The following MAST4 variants were observed in gnomAD, a reference collection of about 807,000 sequenced individuals.
The protein encoded by MAST4 is microtubule associated serine/threonine kinase family member 4, also known as microtubule-associated serine/threonine-protein kinase 4.
In MAST4, 89 loss-of-function variants were observed where a neutral mutation model predicts 162.7. The ratio of observed to expected loss-of-function variants is 0.55; its 90% confidence interval spans 0.46 to 0.65. MAST4 has a LOEUF of 0.65. MAST4 is among the 30% of genes least tolerant of loss of function. The pLI, the probability that MAST4 is intolerant of heterozygous loss-of-function variation, is 0.00. For missense variants in MAST4, 3,153 were observed against 3,374.0 expected, an observed-to-expected ratio of 0.93 and a Z score of 1.62; for synonymous variants, 1,479 against 1,361.1, an observed-to-expected ratio of 1.09 and a Z score of -1.91.
At chr5:66,832,347 C>T (rs575840086) in intron 3 of MAST4, among the ~76,000 whole-genome samples, 92 of 152,250 alleles carry the variant, frequency 6.0e-4, no homozygotes, top group Middle Eastern at 6.8e-3. Context: ...ATTGTTTAGA[C>T]TTCTAGATCT....
intron 1 of MAST4, among the ~76,000 whole-genome samples, chr5:66,646,709 G>T (rs890367919): frequency 6.6e-6 from 1 of 152,112 alleles, no homozygotes; most frequent in African/African-American, 2.4e-5. Context: ...CTCAGCTTCA[G>T]TGGATGATGT....
intron 13 of MAST4, 76 bp from the exon 14 acceptor site, chr5:67,120,941 A>G (rs957784857): frequency 1.4e-5 from 15 of 1,066,544 alleles, no homozygotes; most frequent in Admixed American, 2.1e-5. Context: ...ATGTCCTTCA[A>G]ATATTATCTA....
intron 3 of MAST4, among the ~76,000 whole-genome samples, chr5:66,867,630 T>C (rs1242952011): frequency 6.6e-6 from 1 of 152,252 alleles, no homozygotes; most frequent in Non-Finnish European, 1.5e-5. Context: ...TGAGAGTTGC[T>C]TCTTTTATTA....
Position 66,700,476 on chromosome 5 carries a change from G to T in MAST4, c.364-59233G>T, listed in dbSNP as rs951816586. Among the ~76,000 whole-genome samples the T allele has an allele frequency of 3.9e-5, 6 of 152,210 alleles. No homozygotes were observed. The East Asian group carries it at 9.7e-4, about 24-fold the overall frequency. ...GTGGGTGGATCACCTGAGGTCAGGAGTTCAAGACCAGCCTGGCCAGCATGG... is the reference window on the plus strand; with the variant it reads ...GTGGGTGGATCACCTGAGGTCAGGATTTCAAGACCAGCCTGGCCAGCATGG... On this transcript the variant is annotated intron_variant, in intron 1 of 28. Coordinates refer to ENST00000403625, the MANE Select transcript of MAST4 (RefSeq NM_001164664.2).
At chr5:67,116,083 C>T (rs1766871970) in intron 12 of MAST4, among the ~76,000 whole-genome samples, 1 of 152,156 alleles carries the variant, frequency 6.6e-6, no homozygotes, top group African/African-American at 2.4e-5. Context: ...TTTCTAGAGG[C>T]TCTGAAGAAA....
chr5:67,070,090 GA>G (rs961171401), intron 5 of MAST4, among the ~76,000 whole-genome samples: 31 of 150,346 alleles, frequency 2.1e-4, no homozygotes, highest in African/African-American at 4.9e-4. Context: ...GAAATTGAAA[GA>G]AAAAAAAATA....
intron 1 of MAST4, among the ~76,000 whole-genome samples, chr5:66,613,961 C>A (rs1743468154): frequency 6.6e-6 from 1 of 152,194 alleles, no homozygotes; most frequent in South Asian, 2.1e-4. Context: ...GGCAGCGTGG[C>A]TGCTCCCAAA....
At chr5:66,818,641 G>A (rs758417533) in intron 3 of MAST4, among the ~76,000 whole-genome samples, 4 of 152,118 alleles carry the variant, frequency 2.6e-5, no homozygotes, top group Non-Finnish European at 5.9e-5. Context: ...GTGTGGGTAC[G>A]TGCACATTTG....
At chr5:66,936,253 C>A (rs1742737033) in intron 4 of MAST4, among the ~76,000 whole-genome samples, 1 of 152,204 alleles carries the variant, frequency 6.6e-6, no homozygotes, top group Non-Finnish European at 1.5e-5. Context: ...TAATTCCTGG[C>A]TTTTCCATGT....
intron 1 of MAST4, among the ~76,000 whole-genome samples, chr5:66,715,849 T>C (rs913786975): frequency 6.6e-5 from 10 of 152,024 alleles, no homozygotes; most frequent in Admixed American, 5.2e-4. Flanking sequence ...CATTGAGGAA[T>C]GCATTTCCAA....
At chr5:67,124,202 A>G (rs1394337464) in intron 14 of MAST4, among the ~76,000 whole-genome samples, 2 of 151,854 alleles carry the variant, frequency 1.3e-5, no homozygotes, top group Non-Finnish European at 2.9e-5. Context: ...TCCACCTTCT[A>G]CCCTTGGGTT....
chr5:66,912,861 G>T (rs1489510825), intron 4 of MAST4, among the ~76,000 whole-genome samples: 1 of 152,068 alleles, frequency 6.6e-6, no homozygotes, highest in Non-Finnish European at 1.5e-5. Flanking sequence ...TTTCATAAGG[G>T]TCTAAGTCTT....
In MAST4 at chr5:67,110,576, T is replaced by A. The variant is rs184375867; in HGVS notation, c.1458+377T>A. Among the ~76,000 whole-genome samples, 46 of 150,222 alleles carry A rather than the reference T, an allele frequency of 3.1e-4. 1 individual carries two copies. In the East Asian group the frequency reaches 6.7e-3, roughly 22 times the overall value. On this transcript the variant is annotated intron_variant, in intron 11 of 28. Coordinates refer to ENST00000403625, the MANE Select transcript of MAST4 (RefSeq NM_001164664.2). ...GAAGAAATAGAGATAAATGCAGAGA[T>A]AAATAGTGACCTGTGATTTATAATT...
intron 1 of MAST4, among the ~76,000 whole-genome samples, chr5:66,699,766 C>T (rs114950831): frequency 0.14 from 16,797 of 119,318 alleles, 1,029 homozygotes; most frequent in Admixed American, 0.21. Context: ...GTTGGTGGGG[C>T]GGGGGGGAAG....
chr5:66,854,152 G>A (rs949104899), intron 3 of MAST4, among the ~76,000 whole-genome samples: 1 of 152,106 alleles, frequency 6.6e-6, no homozygotes, highest in African/African-American at 2.4e-5. Context: ...ACTGCCCCCG[G>A]CTGGTGTCAT....
At position 67,050,978 on chromosome 5, in the gene MAST4, G is replaced by C. The variant is rs540946982; in HGVS notation, c.675-3426G>C. On this transcript the variant is annotated intron_variant, in intron 4 of 28. Transcript: ENST00000403625. ...GAATGTATTTGGGGATGGAATAGCT[G>C]CAATTTGAGTTCATAACTTTTCTTT... Among the ~76,000 whole-genome samples the C allele has an allele frequency of 7.2e-5, 11 of 152,278 alleles. No homozygotes were observed. In the East Asian group the frequency reaches 9.6e-4, roughly 13 times the overall value.
At chr5:66,717,614 A>T (rs947480699) in intron 1 of MAST4, among the ~76,000 whole-genome samples, 42 of 152,122 alleles carry the variant, frequency 2.8e-4, no homozygotes, top group African/African-American at 9.9e-4. Context: ...TGAGTTTCTC[A>T]CTCCACTTGA....
At position 66,882,744 on chromosome 5, in the gene MAST4, G is replaced by A. The variant is rs529321137; in HGVS notation, c.643-17207G>A. On this transcript the variant is annotated intron_variant, in intron 3 of 28. Coordinates refer to ENST00000403625, the MANE Select transcript of MAST4 (RefSeq NM_001164664.2). ...TCTGTGTGTCTTCTCTTGGCCATGGGTCATAACAATATCCAAACCTAGCTC... is the reference window on the plus strand; with the variant it reads ...TCTGTGTGTCTTCTCTTGGCCATGGATCATAACAATATCCAAACCTAGCTC... 6.6e-5 allele frequency among the ~76,000 whole-genome samples: 10 copies of A among 152,064 alleles called. No homozygotes were observed. The South Asian group carries it at 2.1e-3, about 32-fold the overall frequency.
At chr5:66,882,094 G>A (rs1013857238) in intron 3 of MAST4, among the ~76,000 whole-genome samples, 1 of 152,078 alleles carries the variant, frequency 6.6e-6, no homozygotes, top group African/African-American at 2.4e-5. Flanking sequence ...CATTTTTCAG[G>A]TTAATGTGTT....
Sources: allele counts gnomAD v4.1 joint callset (sites outside exome capture counted in the v4.1 genomes callset), GRCh38; gene constraint gnomAD v4.1.1; transcripts MANE v1.5; gene names NCBI Gene and HGNC (gene_info 2026-07-23, HGNC 2026-07-21).